The following VPS13A variants were observed in gnomAD, a reference collection of about 807,000 sequenced individuals.
VPS13A encodes the protein vacuolar protein sorting 13 homolog A, also known as intermembrane lipid transfer protein VPS13A.
VPS13A carries 264 observed loss-of-function variants against 390.9 expected under a neutral mutation model. That is an observed-to-expected ratio of 0.68 (90% confidence interval 0.61 to 0.75). The LOEUF is 0.75. VPS13A is among the 30% of genes least tolerant of loss of function. The probability of loss-of-function intolerance (pLI) is 0.00; values close to 1 mark genes in which losing one functional copy is unlikely to be tolerated. For missense variants in VPS13A, 3,409 were observed against 3,733.9 expected, an observed-to-expected ratio of 0.91 and a Z score of 2.27; for synonymous variants, 1,231 against 1,227.1, an observed-to-expected ratio of 1.00 and a Z score of -0.07.
chr9:77,299,762 A>T (rs1828236904), intron 33 of VPS13A, among the ~76,000 whole-genome samples: 1 of 152,218 alleles, frequency 6.6e-6, no homozygotes, highest in Non-Finnish European at 1.5e-5. Flanking sequence ...GAATGAGTTC[A>T]TGTCCTTTGT....
chr9:77,226,865 AT>A (rs1823547263), intron 15 of VPS13A, among the ~76,000 whole-genome samples: 1 of 152,144 alleles, frequency 6.6e-6, no homozygotes. Flanking sequence ...ATAAATAAAA[AT>A]TCCAAAGTGT....
At chr9:77,301,579 T>G (rs529093938) in intron 33 of VPS13A, among the ~76,000 whole-genome samples, 2 of 152,210 alleles carry the variant, frequency 1.3e-5, no homozygotes, top group African/African-American at 4.8e-5. Context: ...TGGTGTTATA[T>G]CTTAGTTTAA....
rs143349941 is a variant in VPS13A at position 77,277,060 on chromosome 9, A to G, written c.2824+839A>G. ...AACCTTTTGTGTTCGTAATGGATAT[A>G]TGATCCCTAAGAAACTATTCTGTTT... On this transcript the variant is annotated intron_variant, in intron 26 of 71. Transcript: ENST00000360280. Among the ~76,000 whole-genome samples, 315 of 152,322 alleles carry G rather than the reference A, an allele frequency of 2.1e-3. 4 individuals carry two copies. Among genetic ancestry groups the G allele is most frequent in the Non-Finnish European group, 3.4e-3 (229 of 68,040 alleles).
rs921126874 is a variant in VPS13A at position 77,312,853 on chromosome 9, A to G, written c.4115-1139A>G. Among the ~76,000 whole-genome samples, 5 of 152,308 alleles carry G rather than the reference A, an allele frequency of 3.3e-5. No individual in the cohort carries two copies. The East Asian group carries it at 9.7e-4, about 29-fold the overall frequency. On this transcript the variant is annotated intron_variant, in intron 35 of 71. Transcript: ENST00000360280. ...ACGACTGATAGGAATGTGAAATAGT[A>G]TTACCACTTTGGCAAAGAATTTGAA...
intron 70 of VPS13A, 119 bp from the exon 71 acceptor site, chr9:77,407,414 G>GTGCATGATTTGTATAAGAGGGACACTTTA: frequency 1.3e-6 from 1 of 752,576 alleles, no homozygotes; most frequent in South Asian, 1.7e-5. Context: ...CTTTTTTAAG[G>GTGCATGATTTGTATAAGAGGGACACTTTA]TGCATGATTT....
chr9:77,199,479 G>A (rs1006801726), intron 1 of VPS13A, among the ~76,000 whole-genome samples: 9 of 152,056 alleles, frequency 5.9e-5, no homozygotes, highest in African/African-American at 1.9e-4. Flanking sequence ...ATAGTTCTTA[G>A]ACATTCTGTT....
At chr9:77,221,147 G>A (rs1198233011) in intron 12 of VPS13A, 38 bp from the exon 13 acceptor site, 1 of 1,594,542 alleles carries the variant, frequency 6.3e-7, no homozygotes, top group Non-Finnish European at 8.6e-7. Flanking sequence ...TCATACTGTT[G>A]ATTTGAGGGT....
At chr9:77,403,377 CATGAGGTGAAGATTTGTT>C in intron 69 of VPS13A, 56 bp downstream of exon 69, 1 of 1,374,164 alleles carries the variant, frequency 7.3e-7, no homozygotes, top group Non-Finnish European at 1.0e-6. Flanking sequence ...GACAGCGACT[CATGAGGTGAAGATTTGTT>C]ATTCACCTTT....
intron 25 of VPS13A, 24 bp downstream of exon 25, chr9:77,275,676 A>G (rs774261203): frequency 1.2e-6 from 2 of 1,606,150 alleles, no homozygotes; most frequent in Non-Finnish European, 1.7e-6. Flanking sequence ...TAAAATTAAC[A>G]TGGCTTAATT....
rs1831804044 is a variant in VPS13A, at chr9:77,356,738, G to A, written c.7677G>A (p.Lys2559=). The change falls in exon 55 of 72, where the codon AAG becomes AAA. Residue 2559 remains lysine (K), a synonymous_variant. Transcript: ENST00000360280. ...ITSSDVVWET[K]PKKKARWKPM... The stretch of plus-strand genomic sequence containing the variant: ...GTTCTGATGTGGTTTGGGAAACAAA[G>A]CCCAAGAAGAAGGCAAGATGGAAGC... 1.2e-6 allele frequency: 2 copies of A among 1,612,838 alleles called. No individual in the cohort carries two copies. Among genetic ancestry groups the A allele is most frequent in the African/African-American group, 2.7e-5 (2 of 74,878 alleles).
At chr9:77,349,212 C>T (rs1262608738) in intron 52 of VPS13A, among the ~76,000 whole-genome samples, 2 of 151,632 alleles carry the variant, frequency 1.3e-5, no homozygotes, top group East Asian at 1.9e-4. Flanking sequence ...TTGTTCTCTC[C>T]CTCCCTCCCT....
At chr9:77,367,994 A>C (rs542290611) in intron 61 of VPS13A, 61 bp from the exon 62 acceptor site, 3 of 1,392,558 alleles carry the variant, frequency 2.2e-6, no homozygotes, top group Non-Finnish European at 3.0e-6. Flanking sequence ...GCCACTCATT[A>C]ATATTAAAAA....
chr9:77,238,514 A>G (rs1824281982), intron 19 of VPS13A, 128 bp downstream of exon 19: 1 of 782,678 alleles, frequency 1.3e-6, no homozygotes, highest in Non-Finnish European at 2.2e-6. Context: ...TTAGTTTAAC[A>G]GAAACTAATT....
At chr9:77,241,868 C>T (rs550013974) in intron 19 of VPS13A, among the ~76,000 whole-genome samples, 2 of 152,226 alleles carry the variant, frequency 1.3e-5, no homozygotes, top group South Asian at 4.1e-4. Flanking sequence ...CCTAATTTTT[C>T]TCACAGCCTT....
chr9:77,350,267 G>A (rs897312909), intron 52 of VPS13A, among the ~76,000 whole-genome samples: 4 of 151,988 alleles, frequency 2.6e-5, no homozygotes, highest in South Asian at 2.1e-4. Context: ...ATATAAAATG[G>A]TTAGCTTTTC....
chr9:77,369,096 A>C (rs937033264), intron 62 of VPS13A, among the ~76,000 whole-genome samples: 2 of 152,200 alleles, frequency 1.3e-5, no homozygotes, highest in African/African-American at 4.8e-5. Context: ...GCGCCACCGC[A>C]TTCCAGCCTG....
intron 45 of VPS13A, among the ~76,000 whole-genome samples, chr9:77,323,916 G>A (rs6651537): frequency 0.31 from 46,773 of 151,794 alleles, 7,511 homozygotes; most frequent in Middle Eastern, 0.37. Context: ...TGTATATGCC[G>A]CATAGCCATT....
At chr9:77,386,825 A>G (rs1833707680) in intron 68 of VPS13A, among the ~76,000 whole-genome samples, 1 of 151,196 alleles carries the variant, frequency 6.6e-6, no homozygotes, top group Non-Finnish European at 1.5e-5. Flanking sequence ...CTCCTGCCTC[A>G]GCCTCCTGAG....
intron 31 of VPS13A, among the ~76,000 whole-genome samples, chr9:77,291,515 C>T (rs185067207): frequency 1.3e-5 from 2 of 152,206 alleles, no homozygotes; most frequent in East Asian, 3.9e-4. Flanking sequence ...CAGATTAATA[C>T]GATTTCCTTC....
Sources: allele counts gnomAD v4.1 joint callset (sites outside exome capture counted in the v4.1 genomes callset), GRCh38; gene constraint gnomAD v4.1.1; transcripts MANE v1.5; gene names NCBI Gene and HGNC (gene_info 2026-07-23, HGNC 2026-07-21).